Variants in USP5 observed in about 807,000 individuals in gnomAD.
USP5 encodes ubiquitin carboxyl-terminal hydrolase 5.
In USP5, 24 loss-of-function variants were observed where a neutral mutation model predicts 102.5. The ratio of observed to expected loss-of-function variants is 0.23; its 90% CI spans 0.17 to 0.33. USP5 has a LOEUF of 0.33. USP5 is among the 10% of genes least tolerant of loss of function. The probability of loss-of-function intolerance (pLI) is 1.00; values close to 1 mark genes in which losing one functional copy is unlikely to be tolerated. For missense variants in USP5, 753 were observed against 1,122.1 expected, an observed-to-expected ratio of 0.67 and a Z score of 4.70; for synonymous variants, 460 against 434.8, an observed-to-expected ratio of 1.06 and a Z score of -0.72.
At chr12:6,857,530 C>A (rs1944153115) in intron 6 of USP5, 99 bp from the exon 7 acceptor site, 2 of 996,278 alleles carry the variant, frequency 2.0e-6, no homozygotes, top group African/African-American at 1.6e-5. Context: ...TACTGGCTCT[C>A]CTTCTGTCCC....
At chr12:6,857,366 A>G (rs1434263235) in intron 6 of USP5, 2 of 438,192 alleles carry the variant, frequency 4.6e-6, no homozygotes, top group Non-Finnish European at 8.1e-6. Flanking sequence ...TTTCCTACCA[A>G]GCCTGTCTTA....
chr12:6,856,628 G>A lies in USP5; in HGVS notation c.585-79G>A, dbSNP rs782039343. On this transcript the variant is annotated intron_variant, in intron 5 of 19. Coordinates refer to ENST00000229268, the MANE Select transcript of USP5 (RefSeq NM_001098536.2). The surrounding 1 kb of genome is among the most constrained non-coding windows in gnomAD (Gnocchi z 5.6). ...GAGAGAGACCTTGGATTGGCGGGGG[G>A]CCTGCAGAGCCCTCTCTCTCTGCCA... is the stretch of plus-strand genomic sequence containing the variant. The A allele has an allele frequency of 1.5e-5, 24 of 1,558,150 alleles. No homozygotes were observed. The East Asian group carries it at 4.8e-4, about 31-fold the overall frequency.
chr12:6,852,404 T>C (rs1943940071), intron 1 of USP5, 114 bp downstream of exon 1: 3 of 1,065,786 alleles, frequency 2.8e-6, no homozygotes, highest in South Asian at 1.5e-5. Context: ...CCATGGGACT[T>C]GTAGTCTCCC....
chr12:6,857,385 T>C, intron 6 of USP5: 1 of 494,510 alleles, frequency 2.0e-6, no homozygotes, highest in Non-Finnish European at 3.6e-6. Flanking sequence ...TACCTTATCC[T>C]ATACAGGTAG....
chr12:6,866,279 G>A lies in USP5; in HGVS notation c.*202G>A, dbSNP rs1262672361. 1.1e-5 allele frequency: 6 copies of A among 566,144 alleles called. No individual in the cohort carries two copies. The highest frequency in any genetic ancestry group is 1.9e-5 in the Non-Finnish European group (6 of 316,816). 35.1% of individuals were successfully genotyped at this position (566,144 alleles called of 1,614,324 possible). On this transcript the variant is annotated 3_prime_UTR_variant, in exon 20 of 20. Coordinates refer to ENST00000229268, the MANE Select transcript of USP5 (RefSeq NM_001098536.2). This position sits in a 1 kb window ranked among gnomAD's most constrained non-coding sequence, Gnocchi z 4.7. ...TAGACTCTGGGGATGGAGCAGGACG[G>A]GGACGGGAGGGGCCGGCCACCTGTC...
In USP5 at chr12:6,864,310, G is replaced by A; in HGVS notation, c.2244+115G>A. 1 of 1,404,116 alleles carries A rather than the reference G, an allele frequency of 7.1e-7. No homozygotes were observed. The highest frequency in any genetic ancestry group is 9.4e-7 in the Non-Finnish European group (1 of 1,067,920). The allele number at this position is 1,404,116 out of a possible 1,614,324, so 87.0% of individuals were successfully genotyped here. On this transcript the variant is annotated intron_variant, in intron 17 of 19. Coordinates refer to ENST00000229268, the MANE Select transcript of USP5 (RefSeq NM_001098536.2). This position sits in a 1 kb window ranked among gnomAD's most constrained non-coding sequence, Gnocchi z 4.8. ...AACAGGTGTGGTCTGGCCGAGGTTG[G>A]GCACCACTCTTTTGTGGCTGCGATG...
In USP5 at chr12:6,863,591, A is replaced by C. The variant is rs1305071342; in HGVS notation, c.1954+214A>C. Among the ~76,000 whole-genome samples the C allele has an allele frequency of 6.6e-6, 1 of 151,336 alleles. No individual in the cohort carries two copies. Among genetic ancestry groups the C allele is most frequent in the African/African-American group, 2.4e-5 (1 of 41,074 alleles). ...AGCTAGTGGCCTCTCTGCCCTTGTT[A>C]CCTCCCTGGTTTGGGTAGGGTGGGG... On this transcript the variant is annotated intron_variant, in intron 15 of 19. Transcript: ENST00000229268. This position sits in a 1 kb window ranked among gnomAD's most constrained non-coding sequence, Gnocchi z 4.7.
Position 6,864,208 on chromosome 12 carries a change from C to G in USP5, c.2244+13C>G, listed in dbSNP as rs782322104. Reference sequence around the variant, plus strand: ...GCTGCGGGCCACGGTATGGGCTGCCCCAGCTAAGGACATGGGGCCAGTGGG... The same window carrying G: ...GCTGCGGGCCACGGTATGGGCTGCCGCAGCTAAGGACATGGGGCCAGTGGG... On this transcript the variant is annotated intron_variant, in intron 17 of 19. Coordinates refer to ENST00000229268, the MANE Select transcript of USP5 (RefSeq NM_001098536.2). The surrounding 1 kb of genome is among the most constrained non-coding windows in gnomAD (Gnocchi z 4.8). 1 of 1,589,798 alleles carries G rather than the reference C, an allele frequency of 6.3e-7. No homozygotes were observed. The highest frequency in any genetic ancestry group is 1.1e-5 in the South Asian group (1 of 88,132).
At chr12:6,859,810 G>A (rs782771455) in intron 9 of USP5, among the ~76,000 whole-genome samples, 2 of 152,084 alleles carry the variant, frequency 1.3e-5, no homozygotes, top group Non-Finnish European at 2.9e-5. Context: ...ATGCCACCAC[G>A]CCCAGCTAAA....
Position 6,852,279 on chromosome 12 carries a change from T to C in USP5, c.100T>C (p.Phe34Leu). 1 of 1,610,312 alleles carries C rather than the reference T, an allele frequency of 6.2e-7. No homozygotes were observed. The part of the protein sequence containing the change: ...RVHKDECAFS[F>L]DTPESEGGLY... ...CCACAAAGACGAGTGCGCCTTCTCC[T>C]TCGACACGCCGGTAAGCCCATTCCC... The change falls in exon 1 of 20, where the codon TTC becomes CTC. Residue 34 changes from phenylalanine to leucine, a missense_variant. Coordinates refer to ENST00000229268, the MANE Select transcript of USP5 (RefSeq NM_001098536.2).
In USP5 at chr12:6,861,130, C is replaced by T. The variant is rs370406204; in HGVS notation, c.1498+24C>T. The T allele has an allele frequency of 4.0e-5, 65 of 1,612,904 alleles. No individual in the cohort carries two copies. The highest frequency in any genetic ancestry group is 2.0e-4 in the African/African-American group (15 of 74,902). ...AGGTAGGCTGCTCCATCAGCAAGGC[C>T]GTGGCACGGTGGGAGGCTAAGGTCT... On this transcript the variant is annotated intron_variant, in intron 12 of 19. Coordinates refer to ENST00000229268, the MANE Select transcript of USP5 (RefSeq NM_001098536.2). This position sits in a 1 kb window ranked among gnomAD's most constrained non-coding sequence, Gnocchi z 4.9.
chr12:6,861,351 A>C lies in USP5; in HGVS notation c.1499-92A>C, dbSNP rs1329940945. Reference sequence around the variant, plus strand: ...AGGGGTGCTTTGGAAGGGTAGAGGAACTGAAATACGGACACAGAGCCAGTA... The same window carrying C: ...AGGGGTGCTTTGGAAGGGTAGAGGACCTGAAATACGGACACAGAGCCAGTA... On this transcript the variant is annotated intron_variant, in intron 12 of 19. Coordinates refer to ENST00000229268, the MANE Select transcript of USP5 (RefSeq NM_001098536.2). This position sits in a 1 kb window ranked among gnomAD's most constrained non-coding sequence, Gnocchi z 4.9. 1.4e-6 allele frequency: 2 copies of C among 1,437,932 alleles called. No individual in the cohort carries two copies. Among genetic ancestry groups the C allele is most frequent in the Non-Finnish European group, 1.9e-6 (2 of 1,065,730 alleles). 89.1% of individuals were successfully genotyped at this position (1,437,932 alleles called of 1,614,324 possible). A position where few individuals can be genotyped will look rare whatever the true frequency, so the allele number is the denominator to read the frequency against.
In USP5 at chr12:6,857,697, G is replaced by A. The variant is rs782730198; in HGVS notation, c.838G>A (p.Gly280Ser). 9 of 1,614,024 alleles carry A rather than the reference G, an allele frequency of 5.6e-6. No individual in the cohort carries two copies. Among genetic ancestry groups the A allele is most frequent in the South Asian group, 3.3e-5 (3 of 91,068 alleles). The change falls in exon 7 of 20, where the codon GGC becomes AGC. Residue 280 changes from glycine (G) to serine (S), a missense_variant. Physicochemically the swap from Gly to Ser is moderately conservative, Grantham distance 56. Around this residue, in one of 3 missense-constraint regions of USP5, gnomAD observed 527 missense variants for 816.5 expected, o/e 0.65. Coordinates refer to ENST00000229268, the MANE Select transcript of USP5 (RefSeq NM_001098536.2). Reference protein sequence around the residue: ...PSLAEHLSHFGIDMLKMQKTD... With the variant: ...PSLAEHLSHFSIDMLKMQKTD... Reference sequence around the variant, plus strand: ...CCTGGCTGAGCACCTGTCCCACTTCGGCATCGACATGCTGAAGATGCAGAA... The same window carrying A: ...CCTGGCTGAGCACCTGTCCCACTTCAGCATCGACATGCTGAAGATGCAGAA...
In USP5 at chr12:6,855,337, GT is replaced by G. The variant is rs1944076623; in HGVS notation, c.112-61del. The G allele has an allele frequency of 6.3e-7, 1 of 1,588,702 alleles. No individual in the cohort carries two copies. Among genetic ancestry groups the G allele is most frequent in the South Asian group, 1.1e-5 (1 of 87,856 alleles). ...CAGCAGTTTCTGACTCCAGGTTTTG[GT>G]TTCCTCACCTGACCAGGCTTCATAA... On this transcript the variant is annotated intron_variant, in intron 1 of 19. Coordinates refer to ENST00000229268, the MANE Select transcript of USP5 (RefSeq NM_001098536.2). This position sits in a 1 kb window ranked among gnomAD's most constrained non-coding sequence, Gnocchi z 4.6.
In USP5 at chr12:6,863,743, T is replaced by C. The variant is rs2138068466; in HGVS notation, c.1955-87T>C. ...GGAGAAAAATGCATGGAATGGGTGA[T>C]TGGAAGAGGGCTGGGTCCTGGGGGA... On this transcript the variant is annotated intron_variant, in intron 15 of 19. Transcript: ENST00000229268. The surrounding 1 kb of genome is among the most constrained non-coding windows in gnomAD (Gnocchi z 4.7). 6.8e-7 allele frequency: 1 copy of C among 1,479,850 alleles called. No homozygotes were observed. Among genetic ancestry groups the C allele is most frequent in the Non-Finnish European group, 9.0e-7 (1 of 1,113,594 alleles). The allele number at this position is 1,479,850 out of a possible 1,614,324, so 91.7% of individuals were successfully genotyped here. A position where few individuals can be genotyped will look rare whatever the true frequency, so the allele number is the denominator to read the frequency against.
intron 9 of USP5, 101 bp downstream of exon 9, chr12:6,859,642 C>A: frequency 1.6e-6 from 2 of 1,214,728 alleles, no homozygotes; most frequent in Non-Finnish European, 1.2e-6. Context: ...AACCCCTGGC[C>A]TTTTTTTGTT....
chr12:6,866,100 A>T lies in USP5; in HGVS notation c.*23A>T. 1 of 1,598,384 alleles carries T rather than the reference A, an allele frequency of 6.3e-7. No individual in the cohort carries two copies. Among genetic ancestry groups the T allele is most frequent in the Non-Finnish European group, 8.6e-7 (1 of 1,165,886 alleles). On this transcript the variant is annotated 3_prime_UTR_variant, in exon 20 of 20. Coordinates refer to ENST00000229268, the MANE Select transcript of USP5 (RefSeq NM_001098536.2). The surrounding 1 kb of genome is among the most constrained non-coding windows in gnomAD (Gnocchi z 4.7). ...TAAGAGCCTGCCTCACCCCTTACCA[A>T]TGAGGGCAGGGGAAGACCACCTGGC...
intron 1 of USP5, among the ~76,000 whole-genome samples, chr12:6,852,773 C>T (rs1448968965): frequency 6.6e-6 from 1 of 152,048 alleles, no homozygotes; most frequent in Non-Finnish European, 1.5e-5. Context: ...AGTGGACTCT[C>T]AAGAAGTCCG....
Position 6,863,414 on chromosome 12 carries a change from G to A in USP5, c.1954+37G>A. Reference sequence around the variant, plus strand: ...TTCTTCCTGCCTGTCTCTCTCCCGTGCTGATGGGGGCCTCTCTGCCTTGCA... The same window carrying A: ...TTCTTCCTGCCTGTCTCTCTCCCGTACTGATGGGGGCCTCTCTGCCTTGCA... On this transcript the variant is annotated intron_variant, in intron 15 of 19. Coordinates refer to ENST00000229268, the MANE Select transcript of USP5 (RefSeq NM_001098536.2). This position sits in a 1 kb window ranked among gnomAD's most constrained non-coding sequence, Gnocchi z 4.7. The A allele has an allele frequency of 6.3e-7, 1 of 1,591,620 alleles. No homozygotes were observed. Among genetic ancestry groups the A allele is most frequent in the Non-Finnish European group, 8.6e-7 (1 of 1,165,818 alleles).
Sources: gnomAD v4.1 joint callset for allele counts (sites outside exome capture counted in the v4.1 genomes callset) on GRCh38, gnomAD v4.1.1 for gene constraint, gnomAD v4.1.1 regional missense constraint, Gnocchi (gnomAD v3.1) non-coding constraint, MANE v1.5 for transcripts, NCBI Gene and HGNC (gene_info 2026-07-23, HGNC 2026-07-21) for gene names.